Variants in NTNG1 observed in about 807,000 individuals in gnomAD.
NTNG1 encodes netrin G1.
NTNG1 carries 16 observed loss-of-function variants against 54.0 expected under a neutral mutation model. The ratio of observed to expected loss-of-function variants is 0.30; its 90% CI spans 0.20 to 0.45. NTNG1 has a LOEUF of 0.45. NTNG1 is among the 20% of genes least tolerant of loss of function. The pLI is 1.00. For synonymous variants in NTNG1, 255 were observed against 263.1 expected, an observed-to-expected ratio of 0.97 and a Z score of 0.30; for missense variants, 530 against 678.7, an observed-to-expected ratio of 0.78 and a Z score of 2.43.
intron 7 of NTNG1, among the ~76,000 whole-genome samples, chr1:107,478,548 T>A (rs1678480780): frequency 1.3e-5 from 2 of 152,168 alleles, no homozygotes; most frequent in African/African-American, 4.8e-5. Flanking sequence ...TTTTTTTTTC[T>A]AAAGGGGAGT....
At chr1:107,428,736 A>C (rs568754058) in intron 5 of NTNG1, among the ~76,000 whole-genome samples, 1 of 151,964 alleles carries the variant, frequency 6.6e-6, no homozygotes, top group Non-Finnish European at 1.5e-5. Context: ...TTTATTTCAA[A>C]CTCTCAAACA....
intron 7 of NTNG1, among the ~76,000 whole-genome samples, chr1:107,449,721 A>G (rs1041244121): frequency 8.0e-5 from 2 of 24,866 alleles, no homozygotes; most frequent in African/African-American, 2.2e-4. Flanking sequence ...CTGCTGGATT[A>G]AAAAAAAAAA....
At chr1:107,314,753 A>G (rs1316886659) in intron 2 of NTNG1, among the ~76,000 whole-genome samples, 4 of 152,220 alleles carry the variant, frequency 2.6e-5, no homozygotes, top group Non-Finnish European at 5.9e-5. Context: ...GTGGTTGAGA[A>G]CATTGACTGT....
intron 7 of NTNG1, among the ~76,000 whole-genome samples, chr1:107,437,862 A>C (rs1675704070): frequency 2.0e-5 from 3 of 152,136 alleles, no homozygotes; most frequent in Non-Finnish European, 4.4e-5. Context: ...CCCATATTGT[A>C]AGGCTTAATA....
chr1:107,182,241 A>C (rs2101137497), intron 2 of NTNG1, among the ~76,000 whole-genome samples: 1 of 152,282 alleles, frequency 6.6e-6, no homozygotes, highest in Non-Finnish European at 1.5e-5. Context: ...AGTTAAAAAA[A>C]GTATAGGCAC....
intron 2 of NTNG1, among the ~76,000 whole-genome samples, chr1:107,300,183 AG>A (rs1236554608): frequency 6.6e-6 from 1 of 152,182 alleles, no homozygotes; most frequent in African/African-American, 2.4e-5. Context: ...TGACGCTGAA[AG>A]GAAGAGTGTT....
chr1:107,402,800 T>G (rs919897657), intron 4 of NTNG1, among the ~76,000 whole-genome samples: 5 of 152,130 alleles, frequency 3.3e-5, no homozygotes, highest in South Asian at 2.1e-4. Context: ...TTGAAGAAGT[T>G]TTTTTGGAGT....
At chr1:107,376,917 A>G (rs866845209) in intron 3 of NTNG1, among the ~76,000 whole-genome samples, 1 of 152,288 alleles carries the variant, frequency 6.6e-6, no homozygotes, top group South Asian at 2.1e-4. Context: ...TTCTCAAATG[A>G]AGATCACTGC....
intron 3 of NTNG1, among the ~76,000 whole-genome samples, chr1:107,353,187 G>A (rs1287879164): frequency 2.6e-5 from 4 of 152,134 alleles, no homozygotes; most frequent in South Asian, 2.1e-4. Flanking sequence ...ACATGGCCAG[G>A]CTGCAAAGTT....
At chr1:107,331,273 CT>C in intron 3 of NTNG1, among the ~76,000 whole-genome samples, 1 of 56,768 alleles carries the variant, frequency 1.8e-5, no homozygotes, top group Non-Finnish European at 7.5e-5. Flanking sequence ...GAGAAGCCAT[CT>C]TTAAATAGCA....
intron 7 of NTNG1, among the ~76,000 whole-genome samples, chr1:107,445,087 G>T (rs1570976856): frequency 6.6e-6 from 1 of 152,160 alleles, no homozygotes; most frequent in Non-Finnish European, 1.5e-5. Flanking sequence ...GCAAGGGCAA[G>T]TTCTCAGCCC....
chr1:107,459,695 G>A (rs1677162351), intron 7 of NTNG1, among the ~76,000 whole-genome samples: 1 of 152,188 alleles, frequency 6.6e-6, no homozygotes, highest in Non-Finnish European at 1.5e-5. Flanking sequence ...ATTGATGCTA[G>A]CAGGACACCA....
intron 7 of NTNG1, chr1:107,460,354 CA>C (rs1484550497): frequency 1.9e-6 from 1 of 518,288 alleles, no homozygotes; most frequent in Non-Finnish European, 3.9e-6. Flanking sequence ...GAGGTGAGCT[CA>C]TTTCTCCTCA....
chr1:107,428,736 A>G (rs568754058), intron 5 of NTNG1, among the ~76,000 whole-genome samples: 24 of 152,082 alleles, frequency 1.6e-4, no homozygotes, highest in African/African-American at 5.8e-4. Flanking sequence ...TTTATTTCAA[A>G]CTCTCAAACA....
At chr1:107,376,437 A>AAAAAACAAAAAAAC (rs1671267462) in intron 3 of NTNG1, among the ~76,000 whole-genome samples, 2 of 150,600 alleles carry the variant, frequency 1.3e-5, no homozygotes, top group African/African-American at 2.4e-5. Flanking sequence ...AACAAAAAAA[A>AAAAAACAAAAAAAC]AAAATTTGCT....
At chr1:107,400,163 C>A (rs1193464926) in intron 4 of NTNG1, among the ~76,000 whole-genome samples, 1 of 152,060 alleles carries the variant, frequency 6.6e-6, no homozygotes, top group Admixed American at 6.6e-5. Context: ...TCATTTCTTT[C>A]CCCTAAAGCA....
At chr1:107,372,850 T>C (rs1012230185) in intron 3 of NTNG1, among the ~76,000 whole-genome samples, 6 of 152,180 alleles carry the variant, frequency 3.9e-5, no homozygotes, top group Non-Finnish European at 8.8e-5. Context: ...ATTATTTTGT[T>C]CTTTTCATCA....
chr1:107,271,239 T>C (rs957373165), intron 2 of NTNG1, among the ~76,000 whole-genome samples: 3 of 152,210 alleles, frequency 2.0e-5, no homozygotes, highest in African/African-American at 7.2e-5. Flanking sequence ...AGGGTACATG[T>C]GCACAATGTG....
intron 2 of NTNG1, among the ~76,000 whole-genome samples, chr1:107,204,122 CTGTTT>C (rs565420617): frequency 3.0e-4 from 46 of 151,780 alleles, no homozygotes; most frequent in African/African-American, 9.2e-4. Context: ...CAAGATGTTT[CTGTTT>C]TGTTTTGTTT....
Sources: gnomAD v4.1 joint callset for allele counts (sites outside exome capture counted in the v4.1 genomes callset) on GRCh38, gnomAD v4.1.1 for gene constraint, MANE v1.5 for transcripts, NCBI Gene and HGNC (gene_info 2026-07-23, HGNC 2026-07-21) for gene names.